Variants in GALNTL6 observed in about 807,000 individuals in gnomAD.
GALNTL6 encodes the protein polypeptide N-acetylgalactosaminyltransferase-like 6.
GALNTL6 carries 46 observed loss-of-function variants against 73.7 expected under a neutral mutation model. The observed-to-expected ratio is 0.62, with a 90% CI of 0.49 to 0.80. The LOEUF (loss-of-function observed/expected upper bound fraction) is 0.80, where lower values mean the gene tolerates loss of function less well. Among genes scored for constraint, GALNTL6 ranks in the 30% least tolerant of loss-of-function variants. GALNTL6 has a pLI of 0.00. For missense variants in GALNTL6, 604 were observed against 755.0 expected (o/e 0.80, Z 2.34); for synonymous variants, 259 against 263.7 (o/e 0.98, Z 0.17).
intron 2 of GALNTL6, among the ~76,000 whole-genome samples, chr4:172,105,388 T>C (rs1732648203): frequency 6.6e-6 from 1 of 151,794 alleles, no homozygotes; most frequent in Admixed American, 6.6e-5. Context: ...CTAGTGAGAA[T>C]TAGTAAAGAA....
At chr4:172,842,126 A>G (rs1743246534) in intron 7 of GALNTL6, among the ~76,000 whole-genome samples, 1 of 152,226 alleles carries the variant, frequency 6.6e-6, no homozygotes, top group South Asian at 2.1e-4. Context: ...GATGTTCTCA[A>G]ATCTAGCATT....
intron 2 of GALNTL6, among the ~76,000 whole-genome samples, chr4:172,087,458 A>C (rs200877379): frequency 1.4e-5 from 2 of 141,472 alleles, no homozygotes; most frequent in South Asian, 2.2e-4. Context: ...AAAAAAAAAA[A>C]CAAAAAAAAC....
intron 5 of GALNTL6, among the ~76,000 whole-genome samples, chr4:172,447,549 C>G (rs940808923): frequency 2.6e-5 from 4 of 151,914 alleles, no homozygotes; most frequent in Admixed American, 2.0e-4. Context: ...GAGAAGAAGC[C>G]CATTTATTAT....
At chr4:172,671,086 T>C (rs2111204559) in intron 5 of GALNTL6, among the ~76,000 whole-genome samples, 1 of 77,674 alleles carries the variant, frequency 1.3e-5, no homozygotes, top group Non-Finnish European at 2.7e-5. Flanking sequence ...GGTAGCGTGA[T>C]GCCTCCAGCT....
chr4:172,005,292 T>C (rs72698911), intron 2 of GALNTL6, among the ~76,000 whole-genome samples: 3,095 of 152,086 alleles, frequency 0.02, 42 homozygotes, highest in Middle Eastern at 0.044. Flanking sequence ...ACCTGGCTAA[T>C]TTTTTGGTAC....
intron 2 of GALNTL6, among the ~76,000 whole-genome samples, chr4:172,197,026 A>G (rs992899540): frequency 6.6e-6 from 1 of 152,170 alleles, no homozygotes; most frequent in Non-Finnish European, 1.5e-5. Flanking sequence ...ACATGATTCT[A>G]TATCTAGAAA....
At position 172,695,811 on chromosome 4, in the gene GALNTL6, G is replaced by A. The variant is rs182139221; in HGVS notation, c.554-113550G>A. ...AAATTACAAAGAAAAAAATTAGCCGGGCATGGTGGCGGGCACCTGTAGTCC... is the reference window on the plus strand; with the variant it reads ...AAATTACAAAGAAAAAAATTAGCCGAGCATGGTGGCGGGCACCTGTAGTCC... On this transcript the variant is annotated intron_variant, in intron 5 of 12. Coordinates refer to ENST00000506823, the MANE Select transcript of GALNTL6 (RefSeq NM_001034845.3). Among the ~76,000 whole-genome samples, 112 of 152,132 alleles carry A rather than the reference G, an allele frequency of 7.4e-4. 1 individual carries two copies. Among genetic ancestry groups the A allele is most frequent in the African/African-American group, 2.6e-3 (106 of 41,524 alleles).
chr4:172,728,650 A>C (rs754616351), intron 5 of GALNTL6, among the ~76,000 whole-genome samples: 1 of 152,136 alleles, frequency 6.6e-6, no homozygotes, highest in Non-Finnish European at 1.5e-5. Context: ...GAATATCATA[A>C]TATTTGGGTT....
chr4:172,774,994 A>AT (rs781407644), intron 5 of GALNTL6, among the ~76,000 whole-genome samples: 13 of 145,474 alleles, frequency 8.9e-5, no homozygotes, highest in Non-Finnish European at 1.8e-4. Context: ...AATAATAATA[A>AT]TAATAATAAA....
chr4:172,006,111 G>A (rs141803367), intron 2 of GALNTL6, among the ~76,000 whole-genome samples: 11 of 152,222 alleles, frequency 7.2e-5, no homozygotes, highest in African/African-American at 2.6e-4. Context: ...GCATGTCTAC[G>A]AGTCATGCTA....
chr4:172,781,395 G>T (rs1029565613), intron 5 of GALNTL6, among the ~76,000 whole-genome samples: 1 of 151,996 alleles, frequency 6.6e-6, no homozygotes, highest in Non-Finnish European at 1.5e-5. Context: ...CAAACTAAAT[G>T]AAAAATTAAA....
chr4:172,879,317 G>A (rs1421377560), intron 7 of GALNTL6, among the ~76,000 whole-genome samples: 1 of 151,770 alleles, frequency 6.6e-6, no homozygotes, highest in Non-Finnish European at 1.5e-5. Flanking sequence ...AACAGGAATG[G>A]AATACACATC....
chr4:171,816,082 T>A (rs1390634516), intron 2 of GALNTL6: 1 of 152,182 alleles, frequency 6.6e-6, no homozygotes, highest in African/African-American at 2.4e-5. Flanking sequence ...CTTTTTTTGT[T>A]CTTATTTACA....
intron 2 of GALNTL6, among the ~76,000 whole-genome samples, chr4:172,016,423 CT>C (rs1252174868): frequency 6.6e-6 from 1 of 151,890 alleles, no homozygotes; most frequent in African/African-American, 2.4e-5. Context: ...TTGTGGTTGT[CT>C]TTTTCTTTAT....
chr4:172,528,115 T>C (rs1489107466), intron 5 of GALNTL6, among the ~76,000 whole-genome samples: 1 of 151,528 alleles, frequency 6.6e-6, no homozygotes, highest in African/African-American at 2.4e-5. Context: ...TGAGGTCTGG[T>C]TCATCATTAC....
chr4:171,904,134 G>C (rs1737195872), intron 2 of GALNTL6, among the ~76,000 whole-genome samples: 1 of 152,212 alleles, frequency 6.6e-6, no homozygotes, highest in South Asian at 2.1e-4. Flanking sequence ...ACAGAACAAA[G>C]CTGGACGGAG....
At chr4:171,991,045 T>C (rs61062931) in intron 2 of GALNTL6, among the ~76,000 whole-genome samples, 8,637 of 152,166 alleles carry the variant, frequency 0.057, 460 homozygotes, top group African/African-American at 0.14. Flanking sequence ...TCTACACTCA[T>C]GGAACTGAGA....
intron 5 of GALNTL6, among the ~76,000 whole-genome samples, chr4:172,708,452 G>A (rs1388684437): frequency 1.3e-5 from 2 of 152,174 alleles, no homozygotes; most frequent in Non-Finnish European, 2.9e-5. Flanking sequence ...TTATGGTTAA[G>A]AGCAGCAACT....
intron 3 of GALNTL6, among the ~76,000 whole-genome samples, chr4:172,252,523 A>G (rs1266690392): frequency 6.6e-6 from 1 of 152,176 alleles, no homozygotes; most frequent in Non-Finnish European, 1.5e-5. Context: ...TGTGGGCTGT[A>G]TATAGCTAAA....
Sources: allele counts gnomAD v4.1 joint callset (sites outside exome capture counted in the v4.1 genomes callset), GRCh38; gene constraint gnomAD v4.1.1; transcripts MANE v1.5; gene names NCBI Gene and HGNC (gene_info 2026-07-23, HGNC 2026-07-21).